GPD1L: variants seen among roughly 807,000 people sequenced by gnomAD.
GPD1L encodes the protein glycerol-3-phosphate dehydrogenase 1 like, also known as glycerol-3-phosphate dehydrogenase 1-like protein.
Under a neutral mutation model 32.9 loss-of-function variants are expected in GPD1L, and 17 were observed. That is an observed-to-expected ratio of 0.52 (90% CI 0.35 to 0.78). GPD1L has a LOEUF of 0.78. GPD1L is among the 30% of genes least tolerant of loss of function. The pLI is 0.01. For synonymous variants in GPD1L, 187 were observed against 165.9 expected, an observed-to-expected ratio of 1.13 and a Z score of -0.98; for missense variants, 361 against 447.8, an observed-to-expected ratio of 0.81 and a Z score of 1.75.
chr3:32,168,289 T>G lies in GPD1L; in HGVS notation c.*2379T>G, dbSNP rs531458320. ...AGTTATCTATTTTTATAACCACCTG[T>G]GGTCCATTGTTCATTTTAATTCACA... On this transcript the variant is annotated 3_prime_UTR_variant, in exon 8 of 8. Transcript: ENST00000282541. 1.3e-5 allele frequency: 2 copies of G among 152,792 alleles called. No homozygotes were observed. The highest frequency in any genetic ancestry group is 2.9e-5 in the Non-Finnish European group (2 of 68,042). 9.5% of individuals were successfully genotyped at this position (152,792 alleles called of 1,614,324 possible).
At chr3:32,107,112 A>C (rs1210893401) in intron 1 of GPD1L, among the ~76,000 whole-genome samples, 1 of 152,090 alleles carries the variant, frequency 6.6e-6, no homozygotes, top group African/African-American at 2.4e-5. Flanking sequence ...TCCACGGCGG[A>C]TCTCCTGGGT....
chr3:32,163,127 T>C (rs906645276), intron 7 of GPD1L, among the ~76,000 whole-genome samples: 1 of 151,514 alleles, frequency 6.6e-6, no homozygotes, highest in Non-Finnish European at 1.5e-5. Flanking sequence ...GCCCTCAGTA[T>C]TGATTAGTGG....
intron 2 of GPD1L, among the ~76,000 whole-genome samples, chr3:32,132,749 C>T (rs1466508804): frequency 6.6e-6 from 1 of 152,130 alleles, no homozygotes; most frequent in Non-Finnish European, 1.5e-5. Flanking sequence ...AATGGGGATG[C>T]TGTTGGTTCA....
intron 5 of GPD1L, among the ~76,000 whole-genome samples, chr3:32,150,145 G>C (rs1437728130): frequency 2.6e-5 from 4 of 152,114 alleles, no homozygotes; most frequent in Non-Finnish European, 5.9e-5. Context: ...GCAGTCAGCT[G>C]ATCTGCTTTT....
At chr3:32,148,903 A>C (rs985055103) in intron 5 of GPD1L, among the ~76,000 whole-genome samples, 1 of 152,252 alleles carries the variant, frequency 6.6e-6, no homozygotes, top group African/African-American at 2.4e-5. Context: ...TAAAGAAGGA[A>C]GTAAAAATCA....
chr3:32,153,720 G>A (rs1201971640), intron 5 of GPD1L, among the ~76,000 whole-genome samples: 1 of 152,206 alleles, frequency 6.6e-6, no homozygotes, highest in Non-Finnish European at 1.5e-5. Flanking sequence ...TGGGTTTTGG[G>A]GAGGCAGTTC....
chr3:32,152,363 T>C (rs1700931202), intron 5 of GPD1L, among the ~76,000 whole-genome samples: 1 of 152,220 alleles, frequency 6.6e-6, no homozygotes, highest in Admixed American at 6.5e-5. Context: ...TTTGTGCTGC[T>C]ATAACAGAAC....
chr3:32,128,267 G>A lies in GPD1L; in HGVS notation c.225+14G>A, dbSNP rs764419190. On this transcript the variant is annotated intron_variant, in intron 2 of 7. Coordinates refer to ENST00000282541, the MANE Select transcript of GPD1L (RefSeq NM_015141.4). Reference sequence around the variant, plus strand: ...CCAGAAAATGTGGTAAGACTTTGGGGTGAAATGTACATTGGTTCATTCTGC... The same window carrying A: ...CCAGAAAATGTGGTAAGACTTTGGGATGAAATGTACATTGGTTCATTCTGC... 1.2e-6 allele frequency: 2 copies of A among 1,608,670 alleles called. No individual in the cohort carries two copies. The highest frequency in any genetic ancestry group is 2.2e-5 in the South Asian group (2 of 90,908).
At chr3:32,130,374 TAC>T (rs1700568816) in intron 2 of GPD1L, among the ~76,000 whole-genome samples, 1 of 152,162 alleles carries the variant, frequency 6.6e-6, no homozygotes, top group South Asian at 2.1e-4. Context: ...CACCTAAAAG[TAC>T]AGTTTTTAAT....
At chr3:32,157,628 C>T (rs1449175606) in intron 5 of GPD1L, among the ~76,000 whole-genome samples, 1 of 152,172 alleles carries the variant, frequency 6.6e-6, no homozygotes, top group Non-Finnish European at 1.5e-5. Context: ...TTCTGCTGAG[C>T]ATTAACAGTT....
intron 2 of GPD1L, among the ~76,000 whole-genome samples, chr3:32,135,431 G>A (rs892203706): frequency 2.6e-5 from 4 of 151,862 alleles, no homozygotes; most frequent in South Asian, 2.1e-4. Flanking sequence ...GGTTGGCATC[G>A]AGAGGGTTGT....
At chr3:32,124,375 G>T (rs1700474464) in intron 1 of GPD1L, among the ~76,000 whole-genome samples, 1 of 152,130 alleles carries the variant, frequency 6.6e-6, no homozygotes, top group Non-Finnish European at 1.5e-5. Flanking sequence ...CATTTCTTTA[G>T]AACAGGGTGT....
chr3:32,116,162 C>A (rs1700330527), intron 1 of GPD1L, among the ~76,000 whole-genome samples: 1 of 152,092 alleles, frequency 6.6e-6, no homozygotes, highest in Non-Finnish European at 1.5e-5. Flanking sequence ...AGACTGTACT[C>A]CATGGTTCTC....
chr3:32,121,699 A>ATATATATATTTCTACATATATTTC (rs1700421610), intron 1 of GPD1L, among the ~76,000 whole-genome samples: 1 of 133,122 alleles, frequency 7.5e-6, no homozygotes, highest in Non-Finnish European at 1.5e-5. Flanking sequence ...ATATATATTT[A>ATATATATATTTCTACATATATTTC]TATATATATT....
intron 2 of GPD1L, among the ~76,000 whole-genome samples, chr3:32,131,155 C>G (rs545295023): frequency 6.6e-6 from 1 of 152,146 alleles, no homozygotes; most frequent in African/African-American, 2.4e-5. Context: ...TCTTTTGCTT[C>G]CCTGTTCCAG....
chr3:32,164,460 A>G (rs1362692115), intron 7 of GPD1L, among the ~76,000 whole-genome samples: 1 of 152,246 alleles, frequency 6.6e-6, no homozygotes, highest in African/African-American at 2.4e-5. Context: ...TCCAGGACAC[A>G]CTATCCATCT....
intron 2 of GPD1L, among the ~76,000 whole-genome samples, chr3:32,135,604 C>T (rs1428949454): frequency 1.3e-5 from 2 of 152,038 alleles, no homozygotes; most frequent in Non-Finnish European, 2.9e-5. Context: ...AGGTGTGCAC[C>T]ACCACACCTG....
rs145348090 is a variant in GPD1L, at chr3:32,166,027, A to G, written c.*117A>G. ...GACTGTAATCTCATCACGGATATGTATGAATTTTTACAGGTTCGTTTTTGA... is the reference window on the plus strand; with the variant it reads ...GACTGTAATCTCATCACGGATATGTGTGAATTTTTACAGGTTCGTTTTTGA... On this transcript the variant is annotated 3_prime_UTR_variant, in exon 8 of 8. Transcript: ENST00000282541. The G allele has an allele frequency of 2.3e-5, 17 of 726,158 alleles. No individual in the cohort carries two copies. The highest frequency in any genetic ancestry group is 5.9e-5 in the Admixed American group (3 of 50,428). The allele number at this position is 726,158 out of a possible 1,614,324, so 45.0% of individuals were successfully genotyped here. A position where few individuals can be genotyped will look rare whatever the true frequency, so the allele number is the denominator to read the frequency against.
At chr3:32,140,841 A>T (rs1401875058) in intron 4 of GPD1L, among the ~76,000 whole-genome samples, 2 of 152,206 alleles carry the variant, frequency 1.3e-5, no homozygotes, top group Non-Finnish European at 2.9e-5. Flanking sequence ...CTGCCCCAAG[A>T]TCACACACTA....
Sources: gnomAD v4.1 joint callset for allele counts (sites outside exome capture counted in the v4.1 genomes callset) on GRCh38, gnomAD v4.1.1 for gene constraint, MANE v1.5 for transcripts, NCBI Gene and HGNC (gene_info 2026-07-23, HGNC 2026-07-21) for gene names.